The following TRIM2 variants were observed in gnomAD, a reference collection of about 807,000 sequenced individuals.
TRIM2 encodes the protein tripartite motif containing 2.
In TRIM2, 20 loss-of-function variants were observed where a neutral mutation model predicts 75.2. That is an observed-to-expected ratio of 0.27 (90% CI 0.19 to 0.39). The LOEUF (loss-of-function observed/expected upper bound fraction) is 0.39, where lower values mean the gene tolerates loss of function less well. Ranked by LOEUF, TRIM2 falls within the 10% of genes least tolerant of loss-of-function variation. The pLI, the probability that TRIM2 is intolerant of heterozygous loss-of-function variation, is 1.00. For synonymous variants in TRIM2, 373 were observed against 388.3 expected, an observed-to-expected ratio of 0.96 and a Z score of 0.46; for missense variants, 660 against 990.8, an observed-to-expected ratio of 0.67 and a Z score of 4.48.
At chr4:153,197,446 T>C (rs562845984) in intron 1 of TRIM2, among the ~76,000 whole-genome samples, 1 of 152,334 alleles carries the variant, frequency 6.6e-6, no homozygotes, top group East Asian at 1.9e-4. Flanking sequence ...CCTGTGCATC[T>C]GCTATGGACT....
intron 1 of TRIM2, among the ~76,000 whole-genome samples, chr4:153,231,807 G>A (rs1055390957): frequency 6.6e-6 from 1 of 151,976 alleles, no homozygotes; most frequent in African/African-American, 2.4e-5. Context: ...CCCCCTTTTT[G>A]TAAGGACATC....
intron 9 of TRIM2, among the ~76,000 whole-genome samples, chr4:153,323,771 C>G (rs1428408756): frequency 6.6e-6 from 1 of 152,154 alleles, no homozygotes; most frequent in African/African-American, 2.4e-5. Context: ...GCAGATGTGA[C>G]TTTTAGATGG....
chr4:153,316,389 C>T (rs1213365373), intron 8 of TRIM2, among the ~76,000 whole-genome samples: 2 of 152,132 alleles, frequency 1.3e-5, no homozygotes, highest in African/African-American at 4.8e-5. Context: ...TTTACTTTCT[C>T]AGGCCTGTGA....
rs1160995776 is a variant in TRIM2 at position 153,335,513 on chromosome 4, T to G, written c.*547T>G. The G allele has an allele frequency of 8.1e-6, 8 of 985,290 alleles. No homozygotes were observed. In the East Asian group the frequency reaches 9.1e-4, roughly 112 times the overall value. 61.0% of individuals were successfully genotyped at this position (985,290 alleles called of 1,614,324 possible). On this transcript the variant is annotated 3_prime_UTR_variant, in exon 12 of 12. Transcript: ENST00000338700. ...GAAAAAGTAAGGCTGTCTTGCAAAATGATCCCAGCTCTGATTAGCAGCCCT... is the reference window on the plus strand; with the variant it reads ...GAAAAAGTAAGGCTGTCTTGCAAAAGGATCCCAGCTCTGATTAGCAGCCCT...
intron 1 of TRIM2, among the ~76,000 whole-genome samples, chr4:153,189,481 T>C (rs1364616144): frequency 2.6e-5 from 4 of 152,226 alleles, no homozygotes; most frequent in African/African-American, 9.6e-5. Context: ...TGGTCGCATC[T>C]GGATCACGGT....
intron 3 of TRIM2, among the ~76,000 whole-genome samples, chr4:153,285,174 CATA>C (rs1302115641): frequency 1.3e-5 from 2 of 152,198 alleles, no homozygotes; most frequent in African/African-American, 4.8e-5. Flanking sequence ...GTTACCTCAG[CATA>C]ATATGTTGAA....
At chr4:153,194,748 C>G (rs1733597850) in intron 1 of TRIM2, among the ~76,000 whole-genome samples, 1 of 152,218 alleles carries the variant, frequency 6.6e-6, no homozygotes, top group African/African-American at 2.4e-5. Flanking sequence ...AAGTTGGGAA[C>G]TCTCATCTTC....
At position 153,270,363 on chromosome 4, in the gene TRIM2, G is replaced by GC. The variant is rs770600152; in HGVS notation, c.65dup (p.Cys23MetfsTer5). The GC allele has an allele frequency of 9.3e-6, 15 of 1,612,828 alleles. No individual in the cohort carries two copies. The highest frequency in any genetic ancestry group is 1.2e-5 in the Non-Finnish European group (14 of 1,179,496). On this transcript the variant is annotated frameshift_variant, in exon 2 of 12. Coordinates refer to ENST00000338700, the MANE Select transcript of TRIM2 (RefSeq NM_015271.5). LOFTEE classifies it high-confidence loss of function. The stretch of plus-strand genomic sequence containing the variant: ...CAGCGTGCAGGGTCAAAGACAGCCG[G>GC]CCCCCCATGTCAGTGGTCTAGGATG...
At chr4:153,302,389 A>C (rs1296355882) in intron 6 of TRIM2, among the ~76,000 whole-genome samples, 1 of 152,216 alleles carries the variant, frequency 6.6e-6, no homozygotes, top group East Asian at 1.9e-4. Flanking sequence ...GATGAAGGAA[A>C]TGACATCTCT....
At position 153,336,898 on chromosome 4, in the gene TRIM2, A is replaced by G; in HGVS notation, c.*1932A>G. The stretch of plus-strand genomic sequence containing the variant: ...GTCCGTGATAAAGCTATAAAATTCA[A>G]TAACTTTTTAGAATGTTAAATGAAG... On this transcript the variant is annotated 3_prime_UTR_variant, in exon 12 of 12. Coordinates refer to ENST00000338700, the MANE Select transcript of TRIM2 (RefSeq NM_015271.5). 1 of 985,140 alleles carries G rather than the reference A, an allele frequency of 1.0e-6. No individual in the cohort carries two copies. Among genetic ancestry groups the G allele is most frequent in the South Asian group, 4.7e-5 (1 of 21,262 alleles). The allele number at this position is 985,140 out of a possible 1,614,324, so 61.0% of individuals were successfully genotyped here. A position where few individuals can be genotyped will look rare whatever the true frequency, so the allele number is the denominator to read the frequency against.
At chr4:153,324,012 C>G in intron 9 of TRIM2, 66 bp from the exon 10 acceptor site, 1 of 1,243,450 alleles carries the variant, frequency 8.0e-7, no homozygotes, top group Non-Finnish European at 1.2e-6. Flanking sequence ...TTGTTTGTTA[C>G]AGTAACTGCT....
intron 1 of TRIM2, among the ~76,000 whole-genome samples, chr4:153,186,594 C>T (rs1732621489): frequency 6.6e-6 from 1 of 152,202 alleles, no homozygotes. Context: ...AGAATCTTCT[C>T]CTCGAGTTAC....
At chr4:153,243,133 G>A (rs1193083415) in intron 1 of TRIM2, among the ~76,000 whole-genome samples, 1 of 152,190 alleles carries the variant, frequency 6.6e-6, no homozygotes, top group Non-Finnish European at 1.5e-5. Flanking sequence ...CTTCATTACT[G>A]GTGGAGAGGC....
chr4:153,294,598 A>G (rs1762423786), intron 5 of TRIM2, 113 bp downstream of exon 5: 1 of 1,121,122 alleles, frequency 8.9e-7, no homozygotes, highest in Middle Eastern at 2.1e-4. Context: ...TGTATAGTAA[A>G]CTATAGTTTT....
chr4:153,310,355 A>G (rs988554743), intron 6 of TRIM2: 3 of 152,092 alleles, frequency 2.0e-5, no homozygotes, highest in Admixed American at 1.3e-4. Flanking sequence ...GAGAGAGAGA[A>G]GAGACTTTCT....
intron 6 of TRIM2, among the ~76,000 whole-genome samples, chr4:153,313,727 T>C (rs748253277): frequency 1.3e-5 from 2 of 149,282 alleles, no homozygotes; most frequent in Admixed American, 6.8e-5. Context: ...CCACCTCCCA[T>C]GTTTGTTTAA....
chr4:153,249,356 G>T (rs1019831952), intron 1 of TRIM2, among the ~76,000 whole-genome samples: 2 of 152,208 alleles, frequency 1.3e-5, no homozygotes, highest in Non-Finnish European at 2.9e-5. Flanking sequence ...CGGGGTGAAA[G>T]CCCCTAGGGC....
At chr4:153,326,979 C>CA (rs10718802) in intron 10 of TRIM2, among the ~76,000 whole-genome samples, 1,670 of 98,840 alleles carry the variant, frequency 0.017, 17 homozygotes, top group East Asian at 0.038. Context: ...GACTCCATCT[C>CA]AAAAAAAAAA....
intron 6 of TRIM2, among the ~76,000 whole-genome samples, chr4:153,302,843 C>A (rs1406412855): frequency 6.6e-6 from 1 of 152,152 alleles, no homozygotes; most frequent in African/African-American, 2.4e-5. Flanking sequence ...ATGGTAAATT[C>A]CTTAAGGTCA....
Sources: gnomAD v4.1 joint callset for allele counts (sites outside exome capture counted in the v4.1 genomes callset) on GRCh38, gnomAD v4.1.1 for gene constraint, MANE v1.5 for transcripts, NCBI Gene and HGNC (gene_info 2026-07-23, HGNC 2026-07-21) for gene names.